The following MCHR2 variants were observed in gnomAD, a reference collection of about 807,000 sequenced individuals.
MCHR2 encodes melanin concentrating hormone receptor 2.
MCHR2 carries 15 observed loss-of-function variants against 24.8 expected under a neutral mutation model. The ratio of observed to expected loss-of-function variants is 0.60; its 90% CI spans 0.40 to 0.93. The LOEUF (loss-of-function observed/expected upper bound fraction) is 0.93, where lower values mean the gene tolerates loss of function less well. MCHR2 is among the 40% of genes least tolerant of loss of function. MCHR2 has a pLI of 0.00. For missense variants in MCHR2, 386 were observed against 408.7 expected (o/e 0.94, Z 0.48); for synonymous variants, 151 against 147.6 (o/e 1.02, Z -0.17).
At chr6:99,932,493 T>C (rs1019433265) in intron 5 of MCHR2, among the ~76,000 whole-genome samples, 6 of 152,166 alleles carry the variant, frequency 3.9e-5, no homozygotes, top group Non-Finnish European at 8.8e-5. Flanking sequence ...AAGGGATAAA[T>C]AGTAGTTTCA....
intron 3 of MCHR2, among the ~76,000 whole-genome samples, chr6:99,946,198 G>A (rs955566533): frequency 6.6e-6 from 1 of 152,080 alleles, no homozygotes; most frequent in African/African-American, 2.4e-5. Context: ...ACCCTGACAA[G>A]CATATGGGGC....
intron 3 of MCHR2, among the ~76,000 whole-genome samples, chr6:99,946,034 CA>C: frequency 7.1e-6 from 1 of 141,256 alleles, no homozygotes; most frequent in South Asian, 2.3e-4. Flanking sequence ...TTTTTTTTTT[CA>C]AAAAAAGCCA....
Position 99,955,017 on chromosome 6 carries a change from C to T in MCHR2, c.182+949G>A, listed in dbSNP as rs920299608. ...ATCTGAAATCTGAACCACTTCTGGTCGCAAGCATTTTGGATAAGGGATACT... is the reference window on the plus strand; with the variant it reads ...ATCTGAAATCTGAACCACTTCTGGTTGCAAGCATTTTGGATAAGGGATACT... On this transcript the variant is annotated intron_variant, in intron 2 of 5. Coordinates refer to ENST00000281806, the MANE Select transcript of MCHR2 (RefSeq NM_001040179.2). Among the ~76,000 whole-genome samples, 11 of 152,172 alleles carry T rather than the reference C, an allele frequency of 7.2e-5. No homozygotes were observed. In the East Asian group the frequency reaches 7.7e-4, roughly 11 times the overall value.
chr6:99,959,966 A>G (rs1775146566), intron 1 of MCHR2, among the ~76,000 whole-genome samples: 1 of 152,048 alleles, frequency 6.6e-6, no homozygotes, highest in South Asian at 2.1e-4. Flanking sequence ...TATTTAAAGA[A>G]ATAATGGCTG....
intron 1 of MCHR2, among the ~76,000 whole-genome samples, chr6:99,969,226 A>G (rs1268396463): frequency 6.6e-6 from 1 of 152,122 alleles, no homozygotes; most frequent in Non-Finnish European, 1.5e-5. Context: ...CTGTAATCCC[A>G]GCACTTTGGG....
intron 3 of MCHR2, among the ~76,000 whole-genome samples, chr6:99,946,665 G>A (rs1455312730): frequency 6.6e-6 from 1 of 152,048 alleles, no homozygotes; most frequent in Admixed American, 6.6e-5. Flanking sequence ...GACATCTGAG[G>A]TACAAGGGAA....
rs554209981 is a variant in MCHR2, at chr6:99,919,296, A to G, written c.*1644T>C. On this transcript the variant is annotated 3_prime_UTR_variant, in exon 6 of 6. Transcript: ENST00000281806. ...CATTTAGATACTATCCAGTTCTGAAATGGTGCCTAAAAATTCTAGAGTAAA... is the reference window on the plus strand; with the variant it reads ...CATTTAGATACTATCCAGTTCTGAAGTGGTGCCTAAAAATTCTAGAGTAAA... Among the ~76,000 whole-genome samples, 1 of 152,336 alleles carries G rather than the reference A, an allele frequency of 6.6e-6. No individual in the cohort carries two copies. Among genetic ancestry groups the G allele is most frequent in the East Asian group, 1.9e-4 (1 of 5,192 alleles).
chr6:99,942,258 G>A (rs1229670069), intron 4 of MCHR2, among the ~76,000 whole-genome samples: 1 of 152,086 alleles, frequency 6.6e-6, no homozygotes, highest in Non-Finnish European at 1.5e-5. Flanking sequence ...GGCAAATTTG[G>A]TTCTTCAGAG....
intron 1 of MCHR2, among the ~76,000 whole-genome samples, chr6:99,971,939 G>A (rs1289390728): frequency 6.6e-6 from 1 of 152,192 alleles, no homozygotes; most frequent in Non-Finnish European, 1.5e-5. Flanking sequence ...TAAGCTTTTT[G>A]ATGTGCTGCT....
chr6:99,972,058 G>C (rs1775434591), intron 1 of MCHR2, among the ~76,000 whole-genome samples: 1 of 152,152 alleles, frequency 6.6e-6, no homozygotes, highest in African/African-American at 2.4e-5. Context: ...TTTGGTATCA[G>C]GATGATGCTG....
chr6:99,967,048 A>G (rs1363459543), intron 1 of MCHR2, among the ~76,000 whole-genome samples: 3 of 152,152 alleles, frequency 2.0e-5, no homozygotes, highest in Non-Finnish European at 4.4e-5. Flanking sequence ...TTTTCAAAGT[A>G]TAAACTTTTT....
intron 5 of MCHR2, among the ~76,000 whole-genome samples, chr6:99,927,795 G>T (rs1774402660): frequency 6.6e-6 from 1 of 152,250 alleles, no homozygotes; most frequent in African/African-American, 2.4e-5. Context: ...GGGACAATTT[G>T]ACTTCCTCTT....
At chr6:99,992,539 G>T (rs1282374729) in intron 1 of MCHR2, among the ~76,000 whole-genome samples, 1 of 152,162 alleles carries the variant, frequency 6.6e-6, no homozygotes, top group East Asian at 1.9e-4. Context: ...TGGACCCGTA[G>T]GATTGTTCCT....
At chr6:99,932,004 T>A (rs561655083) in intron 5 of MCHR2, among the ~76,000 whole-genome samples, 1 of 152,266 alleles carries the variant, frequency 6.6e-6, no homozygotes, top group South Asian at 2.1e-4. Flanking sequence ...GTCCTTTTAT[T>A]TCTGATTGAA....
intron 1 of MCHR2, among the ~76,000 whole-genome samples, chr6:99,963,212 A>G (rs1269256272): frequency 6.6e-6 from 1 of 152,170 alleles, no homozygotes; most frequent in Non-Finnish European, 1.5e-5. Context: ...TAGTGTAGCC[A>G]CTATGGAAAA....
chr6:99,957,574 G>A (rs1582392388), intron 1 of MCHR2, among the ~76,000 whole-genome samples: 1 of 151,896 alleles, frequency 6.6e-6, no homozygotes. Context: ...AGTACAATGG[G>A]GGAAGAAAAA....
intron 1 of MCHR2, 125 bp from the exon 2 acceptor site, chr6:99,956,299 C>T: frequency 1.6e-6 from 1 of 619,084 alleles, no homozygotes; most frequent in Non-Finnish European, 2.7e-6. Context: ...ACACAGGATC[C>T]CAGGGTGAGT....
chr6:99,961,583 A>AAAT (rs1775189537), intron 1 of MCHR2, among the ~76,000 whole-genome samples: 1 of 152,188 alleles, frequency 6.6e-6, no homozygotes. Flanking sequence ...GGAAACCATT[A>AAAT]TTCTCAGCAA....
intron 1 of MCHR2, among the ~76,000 whole-genome samples, chr6:99,985,723 T>C (rs902295648): frequency 2.6e-5 from 4 of 152,134 alleles, no homozygotes; most frequent in African/African-American, 9.6e-5. Context: ...ACAAAAATCC[T>C]AGAAGAAAAC....
Sources: allele counts gnomAD v4.1 joint callset (sites outside exome capture counted in the v4.1 genomes callset), GRCh38; gene constraint gnomAD v4.1.1; transcripts MANE v1.5; gene names NCBI Gene and HGNC (gene_info 2026-07-23, HGNC 2026-07-21).